Variants in MSANTD7 observed in about 807,000 individuals in gnomAD.
MSANTD7 encodes the protein Myb/SANT DNA binding domain containing 7, also known as zinc finger and SCAN domain containing 29.
the MSANTD7 span, chr10:14,844,237 C>A: frequency 9.2e-7 from 1 of 1,092,658 alleles, no homozygotes; most frequent in Non-Finnish European, 1.1e-6. Flanking sequence ...CCCTGCCTAC[C>A]TCACAGGGTT....
the MSANTD7 span, chr10:14,838,604 G>A: frequency 2.8e-4 from 212 of 743,902 alleles, 1 homozygote; most frequent in Admixed American, 1.2e-3. Flanking sequence ...CGGAGCGAAG[G>A]GCCGGGCAGG....
the MSANTD7 span, chr10:14,844,985 T>A: frequency 1.0e-6 from 1 of 985,468 alleles, no homozygotes; most frequent in African/African-American, 1.7e-5. Flanking sequence ...GTTTATGTAG[T>A]TAATGGCATC....
chr10:14,839,729 T>C, the MSANTD7 span, among the ~76,000 whole-genome samples: 1 of 152,198 alleles, frequency 6.6e-6, no homozygotes, highest in African/African-American at 2.4e-5. Flanking sequence ...CAGTTCTTCA[T>C]GGAATTATAG....
the MSANTD7 span, chr10:14,843,403 T>TC: frequency 6.4e-7 from 1 of 1,550,890 alleles, no homozygotes; most frequent in Admixed American, 2.0e-5. Context: ...CTACAGCAGC[T>TC]CCCACAGCCT....
chr10:14,846,395 T>C, the MSANTD7 span: 3 of 985,374 alleles, frequency 3.0e-6, no homozygotes, highest in Non-Finnish European at 3.6e-6. Flanking sequence ...GGATGTGGTA[T>C]TGTGAAATTC....
the MSANTD7 span, chr10:14,844,962 G>A: frequency 5.1e-6 from 5 of 985,344 alleles, no homozygotes; most frequent in African/African-American, 3.5e-5. Flanking sequence ...TTCCTCAGAT[G>A]TTGTAGACAG....
chr10:14,846,165 A>G, the MSANTD7 span: 2 of 985,030 alleles, frequency 2.0e-6, no homozygotes, highest in Middle Eastern at 5.2e-4. Flanking sequence ...TGAAATGGAT[A>G]CAGCTATATT....
the MSANTD7 span, chr10:14,843,699 G>C: frequency 6.5e-7 from 1 of 1,540,970 alleles, no homozygotes; most frequent in Admixed American, 2.0e-5. Context: ...TCTCAAAGCG[G>C]GAGGAAGAAA....
chr10:14,840,880 T>C, the MSANTD7 span, among the ~76,000 whole-genome samples: 423 of 152,344 alleles, frequency 2.8e-3, 2 homozygotes, highest in African/African-American at 9.7e-3. Flanking sequence ...ACGCAAATAC[T>C]ATCATTCCCC....
chr10:14,844,536 T>G, the MSANTD7 span: 4 of 986,976 alleles, frequency 4.1e-6, no homozygotes, highest in South Asian at 1.9e-4. Context: ...ACATTTCCAC[T>G]GCTGTGTATC....
chr10:14,844,670 G>A, the MSANTD7 span: 11 of 977,752 alleles, frequency 1.1e-5, no homozygotes, highest in African/African-American at 1.1e-4. Flanking sequence ...TGTGTGTTAC[G>A]GTTTATATCG....
the MSANTD7 span, among the ~76,000 whole-genome samples, chr10:14,840,463 T>A: frequency 6.6e-6 from 1 of 152,174 alleles, no homozygotes; most frequent in African/African-American, 2.4e-5. Context: ...TTTCAAAGAT[T>A]TTGTGGGAAT....
At chr10:14,842,664 C>T in the MSANTD7 span, 1 of 1,536,244 alleles carries the variant, frequency 6.5e-7, no homozygotes, top group Non-Finnish European at 8.7e-7. This position sits in a 1 kb window ranked among gnomAD's most constrained non-coding sequence, Gnocchi z 5.2. Context: ...AACTTAGTGG[C>T]CTCTGACGCC....
At chr10:14,845,074 A>C in the MSANTD7 span, 3 of 985,478 alleles carry the variant, frequency 3.0e-6, no homozygotes, top group Non-Finnish European at 3.6e-6. Context: ...TGCCTGCAAT[A>C]GATGACTCCT....
the MSANTD7 span, chr10:14,844,879 T>C: frequency 8.1e-6 from 8 of 985,378 alleles, no homozygotes; most frequent in East Asian, 7.9e-4. Flanking sequence ...TTTTCTGTTA[T>C]TTTTTTGTCT....
chr10:14,839,581 A>C, the MSANTD7 span, among the ~76,000 whole-genome samples: 821 of 152,192 alleles, frequency 5.4e-3, 2 homozygotes, highest in Middle Eastern at 0.027. Flanking sequence ...CAAAAAAAAA[A>C]AAAAAAGAAA....
the MSANTD7 span, chr10:14,839,785 G>A: frequency 5.2e-6 from 3 of 581,748 alleles, no homozygotes; most frequent in African/African-American, 5.5e-5. Flanking sequence ...AAATTTGCAA[G>A]TTTAAAATAT....
chr10:14,841,461 A>G, the MSANTD7 span, among the ~76,000 whole-genome samples: 1 of 152,182 alleles, frequency 6.6e-6, no homozygotes. Context: ...AGAGACATCA[A>G]ACACATTGCT....
chr10:14,842,407 T>C, the MSANTD7 span: 1 of 1,536,018 alleles, frequency 6.5e-7, no homozygotes, highest in African/African-American at 1.4e-5. This position sits in a 1 kb window ranked among gnomAD's most constrained non-coding sequence, Gnocchi z 5.2. Context: ...ACAATGCAGA[T>C]GTCTATCAGG....
Sources: allele counts gnomAD v4.1 joint callset (sites outside exome capture counted in the v4.1 genomes callset), GRCh38; gene constraint gnomAD v4.1.1; non-coding constraint Gnocchi (gnomAD v3.1); transcripts MANE v1.5; gene names NCBI Gene and HGNC (gene_info 2026-07-23, HGNC 2026-07-21).